The following CELF2 variants were observed in gnomAD, a reference collection of about 807,000 sequenced individuals.
CELF2 encodes the protein CUGBP Elav-like family member 2, also known as CUG triplet repeat RNA-binding protein 2.
Under a neutral mutation model 62.6 loss-of-function variants are expected in CELF2, and 8 were observed. The ratio of observed to expected loss-of-function variants is 0.13; its 90% confidence interval spans 0.07 to 0.23. CELF2 has a LOEUF of 0.23. Among genes scored for constraint, CELF2 ranks in the 10% least tolerant of loss-of-function variants. The pLI is 1.00. For missense variants in CELF2, 333 were observed against 671.0 expected, an observed-to-expected ratio of 0.50 and a Z score of 5.56; for synonymous variants, 258 against 250.0, an observed-to-expected ratio of 1.03 and a Z score of -0.30.
chr10:10,641,024 C>T, the CELF2 span, among the ~76,000 whole-genome samples: 10 of 152,232 alleles, frequency 6.6e-5, no homozygotes, highest in African/African-American at 2.4e-4. Flanking sequence ...GAAAAGTTTG[C>T]AAATCTCTGA....
chr10:10,810,141 AAC>A (rs2055700144), intron 1 of CELF2, among the ~76,000 whole-genome samples: 1 of 152,226 alleles, frequency 6.6e-6, no homozygotes, highest in Admixed American at 6.5e-5. Context: ...TACATGCATA[AAC>A]ACACAGATAG....
At chr10:11,289,503 A>C (rs1042728281) in intron 9 of CELF2, among the ~76,000 whole-genome samples, 3 of 152,226 alleles carry the variant, frequency 2.0e-5, no homozygotes, top group African/African-American at 7.2e-5. Context: ...GCAGTTCTCA[A>C]AAGAGCAGTT....
At chr10:10,999,658 A>C (rs1400139641) in intron 2 of CELF2, among the ~76,000 whole-genome samples, 1 of 152,238 alleles carries the variant, frequency 6.6e-6, no homozygotes, top group Non-Finnish European at 1.5e-5. Context: ...TTTCAAACTC[A>C]TCTTTCCTAC....
chr10:10,999,663 T>G (rs1395971435), intron 2 of CELF2, among the ~76,000 whole-genome samples: 1 of 152,244 alleles, frequency 6.6e-6, no homozygotes, highest in African/African-American at 2.4e-5. Context: ...AACTCATCTT[T>G]CCTACACCAT....
At chr10:10,576,182 G>A in the CELF2 span, among the ~76,000 whole-genome samples, 1 of 152,136 alleles carries the variant, frequency 6.6e-6, no homozygotes, top group South Asian at 2.1e-4. Context: ...GGGAGCTAGA[G>A]ACCAAATTGG....
chr10:10,884,875 A>G (rs995940431), intron 1 of CELF2, among the ~76,000 whole-genome samples: 3 of 152,246 alleles, frequency 2.0e-5, no homozygotes, highest in African/African-American at 4.8e-5. Flanking sequence ...TCATTGTGGC[A>G]TGCTTATTGT....
chr10:11,118,347 C>A (rs535564236), intron 1 of CELF2, among the ~76,000 whole-genome samples: 1 of 152,132 alleles, frequency 6.6e-6, no homozygotes, highest in East Asian at 1.9e-4. Flanking sequence ...AAACCACATT[C>A]ATCTATGGGG....
chr10:10,913,692 G>A (rs953695355), intron 1 of CELF2, among the ~76,000 whole-genome samples: 1 of 151,542 alleles, frequency 6.6e-6, no homozygotes. Flanking sequence ...CACCCAGCCT[G>A]TAATGATGTC....
chr10:10,560,246 A>G, the CELF2 span, among the ~76,000 whole-genome samples: 1 of 152,174 alleles, frequency 6.6e-6, no homozygotes, highest in African/African-American at 2.4e-5. Context: ...TCTTTCCCAA[A>G]AGGAAATACA....
intron 5 of CELF2, among the ~76,000 whole-genome samples, chr10:11,259,587 G>A (rs1260628613): frequency 1.3e-5 from 2 of 152,026 alleles, no homozygotes; most frequent in African/African-American, 4.8e-5. Context: ...TCCAGTATCC[G>A]GGGCTCCTCT....
chr10:10,913,858 A>AAGGAAGGAAG (rs1554880057), intron 1 of CELF2, among the ~76,000 whole-genome samples: 72 of 101,142 alleles, frequency 7.1e-4, no homozygotes, highest in African/African-American at 1.6e-3. Context: ...AGGGAAGGAG[A>AAGGAAGGAAG]GAAGGAAGGA....
chr10:10,476,460 C>T, the CELF2 span, among the ~76,000 whole-genome samples: 1 of 152,006 alleles, frequency 6.6e-6, no homozygotes, highest in African/African-American at 2.4e-5. Flanking sequence ...GGATTTGATC[C>T]AAAAATCAGG....
chr10:11,143,788 T>C (rs2061761266), intron 1 of CELF2, among the ~76,000 whole-genome samples: 1 of 152,258 alleles, frequency 6.6e-6, no homozygotes, highest in Non-Finnish European at 1.5e-5. Flanking sequence ...TCTCTAGACA[T>C]ATATTTGCAT....
chr10:11,299,012 G>A (rs2093457701), intron 9 of CELF2, among the ~76,000 whole-genome samples: 1 of 152,228 alleles, frequency 6.6e-6, no homozygotes, highest in Admixed American at 6.5e-5. Flanking sequence ...AATACAGGGA[G>A]AAGACAGTTT....
At chr10:10,688,185 A>C in the CELF2 span, among the ~76,000 whole-genome samples, 2,463 of 152,294 alleles carry the variant, frequency 0.016, 33 homozygotes, top group African/African-American at 0.038. Flanking sequence ...CCGATGGACT[A>C]AGTTCTGTCT....
At chr10:11,084,695 T>C (rs111840259) in intron 1 of CELF2, among the ~76,000 whole-genome samples, 8 of 152,214 alleles carry the variant, frequency 5.3e-5, no homozygotes, top group African/African-American at 1.9e-4. Context: ...ACTATTGATA[T>C]AGAATTCTAA....
intron 1 of CELF2, among the ~76,000 whole-genome samples, chr10:10,849,405 T>C (rs551212621): frequency 2.6e-5 from 4 of 152,052 alleles, no homozygotes; most frequent in African/African-American, 9.6e-5. Flanking sequence ...AGACTCCATC[T>C]CCAAAAACAA....
At chr10:10,959,089 C>G (rs1432365401) in intron 2 of CELF2, among the ~76,000 whole-genome samples, 1 of 152,070 alleles carries the variant, frequency 6.6e-6, no homozygotes, top group African/African-American at 2.4e-5. Flanking sequence ...AAACTCTGTT[C>G]TACTAAAAAT....
rs1296372320 is a variant in CELF2, at chr10:10,928,082, C to T, written c.89+8083C>T. Among the ~76,000 whole-genome samples the T allele has an allele frequency of 6.6e-6, 1 of 152,160 alleles. No homozygotes were observed. The highest frequency in any genetic ancestry group is 1.5e-5 in the Non-Finnish European group (1 of 68,040). ...GCACTTACTTCCACAGAAAGTTCTCCTTTCACCACCCTATTAAGTAACCCC... is the reference window on the plus strand; with the variant it reads ...GCACTTACTTCCACAGAAAGTTCTCTTTTCACCACCCTATTAAGTAACCCC... On this transcript the variant is annotated intron_variant, in intron 2 of 13. Coordinates refer to the CELF2 transcript ENST00000636488. This position sits in a 1 kb window ranked among gnomAD's most constrained non-coding sequence, Gnocchi z 4.8.
Sources: gnomAD v4.1 joint callset for allele counts (sites outside exome capture counted in the v4.1 genomes callset) on GRCh38, gnomAD v4.1.1 for gene constraint, Gnocchi (gnomAD v3.1) non-coding constraint, MANE v1.5 for transcripts, NCBI Gene and HGNC (gene_info 2026-07-23, HGNC 2026-07-21) for gene names.